Variants in NTM observed in about 807,000 individuals in gnomAD.
NTM encodes the protein neurotrimin, also known as IgLON family member 2.
Under a neutral mutation model 42.1 loss-of-function variants are expected in NTM, and 13 were observed. The observed-to-expected ratio is 0.31, with a 90% CI of 0.20 to 0.49. The LOEUF (loss-of-function observed/expected upper bound fraction) is 0.49. Among genes scored for constraint, NTM ranks in the 20% least tolerant of loss-of-function variants. The pLI is 0.99. For synonymous variants in NTM, 187 were observed against 179.2 expected (o/e 1.04, Z -0.35); for missense variants, 373 against 452.8 (o/e 0.82, Z 1.60).
At chr11:131,563,246 C>T (rs962807834) in intron 1 of NTM, among the ~76,000 whole-genome samples, 11 of 152,296 alleles carry the variant, frequency 7.2e-5, no homozygotes, top group Admixed American at 5.9e-4. Context: ...GGAGCCTTAG[C>T]TCCAATTTTG....
chr11:131,940,131 T>C (rs2059640808), intron 2 of NTM, among the ~76,000 whole-genome samples: 1 of 152,358 alleles, frequency 6.6e-6, no homozygotes, highest in South Asian at 2.1e-4. Context: ...GATCCCAGTA[T>C]GGGATGACGA....
intron 3 of NTM, among the ~76,000 whole-genome samples, chr11:132,169,320 C>CTTTTT (rs567723794): frequency 0.03 from 960 of 32,374 alleles, 323 homozygotes; most frequent in Non-Finnish European, 0.039. Context: ...AATTTTTTTA[C>CTTTTT]TTTTTTTTTT....
At chr11:132,112,417 C>T (rs980017688) in intron 2 of NTM, among the ~76,000 whole-genome samples, 1 of 151,980 alleles carries the variant, frequency 6.6e-6, no homozygotes, top group Non-Finnish European at 1.5e-5. Context: ...GAAACCATTC[C>T]CTTAGTAAAT....
At chr11:132,335,025 G>T in intron 8 of NTM, 21 bp from the exon 9 acceptor site, 3 of 1,608,480 alleles carry the variant, frequency 1.9e-6, no homozygotes, top group South Asian at 1.1e-5. Context: ...ACCACTCACG[G>T]CGAGTGTGTT....
At chr11:131,646,422 G>C (rs760399102) in intron 1 of NTM, among the ~76,000 whole-genome samples, 6 of 152,092 alleles carry the variant, frequency 3.9e-5, no homozygotes, top group Admixed American at 6.5e-5. Context: ...TCTTCCCCAG[G>C]CCCTAACCCA....
chr11:131,461,506 G>T (rs987624161), intron 1 of NTM, among the ~76,000 whole-genome samples: 1 of 152,198 alleles, frequency 6.6e-6, no homozygotes, highest in Non-Finnish European at 1.5e-5. Context: ...GTTGAACTCA[G>T]AGAAAAGAGA....
intron 1 of NTM, among the ~76,000 whole-genome samples, chr11:131,733,913 T>A (rs1434584658): frequency 6.6e-6 from 1 of 152,262 alleles, no homozygotes; most frequent in Non-Finnish European, 1.5e-5. Context: ...ACCATATTGT[T>A]GATCATTAAG....
chr11:132,200,202 T>C (rs2080939622), intron 3 of NTM, among the ~76,000 whole-genome samples: 1 of 152,198 alleles, frequency 6.6e-6, no homozygotes, highest in South Asian at 2.1e-4. Flanking sequence ...ATAAGTTTCC[T>C]TTGACAGCAG....
At chr11:132,160,778 G>C (rs2074105979) in intron 3 of NTM, among the ~76,000 whole-genome samples, 1 of 152,174 alleles carries the variant, frequency 6.6e-6, no homozygotes, top group African/African-American at 2.4e-5. Flanking sequence ...CATCAGGAAG[G>C]TGAAACCTTC....
At chr11:132,268,170 T>C (rs2093304012) in intron 4 of NTM, among the ~76,000 whole-genome samples, 1 of 152,194 alleles carries the variant, frequency 6.6e-6, no homozygotes, top group Non-Finnish European at 1.5e-5. Context: ...ATGTAAAACT[T>C]TCTCCTTACA....
intron 2 of NTM, among the ~76,000 whole-genome samples, chr11:132,121,995 G>C (rs2064915042): frequency 6.6e-6 from 1 of 152,186 alleles, no homozygotes; most frequent in Non-Finnish European, 1.5e-5. Context: ...ACCATGGGCT[G>C]GCATTCATTG....
chr11:131,616,778 GGTGTGTGTGTGTGTGTGT>G (rs59890572), intron 1 of NTM, among the ~76,000 whole-genome samples: 1 of 141,880 alleles, frequency 7.0e-6, no homozygotes, highest in Non-Finnish European at 1.5e-5. Context: ...GTCTTGAGGG[GGTGTGTGTGTGTGTGTGT>G]GTGTGTGTGT....
chr11:131,749,104 C>T (rs2082169778), intron 1 of NTM, among the ~76,000 whole-genome samples: 2 of 152,212 alleles, frequency 1.3e-5, no homozygotes, highest in South Asian at 4.1e-4. Flanking sequence ...GGAGTGGGCA[C>T]TGGAGAAGCT....
At chr11:132,092,263 C>A (rs1043662274) in intron 2 of NTM, among the ~76,000 whole-genome samples, 3 of 152,204 alleles carry the variant, frequency 2.0e-5, no homozygotes, top group Non-Finnish European at 4.4e-5. Flanking sequence ...ACAAAGAATT[C>A]CTAGGCATTA....
At chr11:132,121,045 G>A (rs1302480702) in intron 2 of NTM, among the ~76,000 whole-genome samples, 1 of 152,154 alleles carries the variant, frequency 6.6e-6, no homozygotes, top group Non-Finnish European at 1.5e-5. Flanking sequence ...ACCTTGATAT[G>A]CTCATCTGGT....
chr11:131,501,390 C>T (rs2046812692), intron 1 of NTM, among the ~76,000 whole-genome samples: 1 of 152,060 alleles, frequency 6.6e-6, no homozygotes, highest in African/African-American at 2.4e-5. Context: ...TGTAAAGAGC[C>T]AGGGGAGAAT....
chr11:131,970,010 T>C (rs1043572149), intron 2 of NTM, among the ~76,000 whole-genome samples: 62 of 152,164 alleles, frequency 4.1e-4, no homozygotes, highest in Admixed American at 2.6e-4. Context: ...GACGTCTCAC[T>C]GTGTTGCCAT....
intron 1 of NTM, among the ~76,000 whole-genome samples, chr11:131,828,349 A>C (rs1422888684): frequency 6.6e-6 from 1 of 151,862 alleles, no homozygotes; most frequent in East Asian, 1.9e-4. Context: ...TCACTACCAC[A>C]ATCATCACCA....
chr11:131,420,280 T>C (rs950885766), intron 1 of NTM, among the ~76,000 whole-genome samples: 1 of 151,860 alleles, frequency 6.6e-6, no homozygotes, highest in Non-Finnish European at 1.5e-5. Context: ...GACCTGATGA[T>C]GGGAGAAAGA....
Sources: allele counts gnomAD v4.1 joint callset (sites outside exome capture counted in the v4.1 genomes callset), GRCh38; gene constraint gnomAD v4.1.1; transcripts MANE v1.5; gene names NCBI Gene and HGNC (gene_info 2026-07-23, HGNC 2026-07-21).